ARHGAP15: variants seen among roughly 807,000 people sequenced by gnomAD.
ARHGAP15 encodes the protein Rho GTPase activating protein 15.
A neutral mutation model predicts 63.7 loss-of-function variants in ARHGAP15; 51 were observed. That is an observed-to-expected ratio of 0.80 (90% CI 0.64 to 1.01). The LOEUF is 1.01. Among genes scored for constraint, ARHGAP15 ranks in the 50% least tolerant of loss-of-function variants. The pLI is 0.00. For missense variants in ARHGAP15, 560 were observed against 564.6 expected, an observed-to-expected ratio of 0.99 and a Z score of 0.08; for synonymous variants, 191 against 193.8, an observed-to-expected ratio of 0.99 and a Z score of 0.12.
intron 11 of ARHGAP15, among the ~76,000 whole-genome samples, chr2:143,584,963 G>C (rs1697056706): frequency 6.6e-6 from 1 of 152,108 alleles, no homozygotes; most frequent in Non-Finnish European, 1.5e-5. Flanking sequence ...CTTCGTACAT[G>C]TATTTTACTT....
intron 12 of ARHGAP15, among the ~76,000 whole-genome samples, chr2:143,671,084 A>G (rs1682498935): frequency 6.6e-6 from 1 of 152,248 alleles, no homozygotes; most frequent in Admixed American, 6.5e-5. Context: ...CAGAAAGCTA[A>G]ATAACATAGT....
At chr2:143,420,831 T>C (rs12612084) in intron 6 of ARHGAP15, among the ~76,000 whole-genome samples, 66,581 of 152,032 alleles carry the variant, frequency 0.44, 15,113 homozygotes, top group East Asian at 0.8. Flanking sequence ...TCTTGGGACT[T>C]AAACCACATG....
chr2:143,383,308 A>G (rs1687135022), intron 6 of ARHGAP15, among the ~76,000 whole-genome samples: 1 of 152,162 alleles, frequency 6.6e-6, no homozygotes, highest in African/African-American at 2.4e-5. Context: ...AAAATAGAAC[A>G]CTTTTCTCAA....
chr2:143,715,515 G>C (rs1035488565), intron 13 of ARHGAP15, among the ~76,000 whole-genome samples: 2 of 152,098 alleles, frequency 1.3e-5, no homozygotes, highest in African/African-American at 4.8e-5. Context: ...TTTTCATCCT[G>C]ACAAACAAGC....
At chr2:143,587,056 C>A (rs552793320) in intron 11 of ARHGAP15, among the ~76,000 whole-genome samples, 2 of 152,210 alleles carry the variant, frequency 1.3e-5, no homozygotes, top group East Asian at 3.9e-4. Context: ...GAGGAATGGA[C>A]AATAAAATGA....
intron 1 of ARHGAP15, among the ~76,000 whole-genome samples, chr2:143,132,821 CA>C (rs1237718702): frequency 6.6e-6 from 1 of 152,160 alleles, no homozygotes; most frequent in Non-Finnish European, 1.5e-5. Context: ...CATAATTGTA[CA>C]AAAATACAGT....
chr2:143,360,895 T>C (rs2105334964), intron 6 of ARHGAP15, among the ~76,000 whole-genome samples: 1 of 152,336 alleles, frequency 6.6e-6, no homozygotes, highest in South Asian at 2.1e-4. Context: ...ATGTTCTAAA[T>C]TTCTCATTGC....
In ARHGAP15 at chr2:143,155,543, G is replaced by T. The variant is rs781224062; in HGVS notation, c.53G>T (p.Arg18Leu). Reference sequence around the variant, plus strand: ...TCCGTGGAAACACTGAATTCTACCCGCCAAGGCACAGGAGCTGTGCAAATG... The same window carrying T: ...TCCGTGGAAACACTGAATTCTACCCTCCAAGGCACAGGAGCTGTGCAAATG... Reference protein sequence around the residue: ...DTSVETLNSTRQGTGAVQMRI... With the variant: ...DTSVETLNSTLQGTGAVQMRI... The change falls in exon 2 of 14, where the codon CGC (arginine) becomes CTC (leucine). Residue 18 changes from arginine to leucine, a missense_variant. By Grantham distance (102) the Arg-to-Leu change is moderately radical. Transcript: ENST00000295095. The T allele has an allele frequency of 3.7e-6, 6 of 1,608,468 alleles. No homozygotes were observed. In the Admixed American group the frequency reaches 5.1e-5, roughly 14 times the overall value.
chr2:143,388,633 T>C (rs933686802), intron 6 of ARHGAP15, among the ~76,000 whole-genome samples: 6 of 152,192 alleles, frequency 3.9e-5, no homozygotes, highest in African/African-American at 1.4e-4. Flanking sequence ...TACATACATA[T>C]GTGTTTATAC....
intron 6 of ARHGAP15, among the ~76,000 whole-genome samples, chr2:143,271,413 T>C (rs1448818184): frequency 2.6e-5 from 4 of 152,262 alleles, no homozygotes; most frequent in Non-Finnish European, 2.9e-5. Context: ...GGATTTCTTC[T>C]CTTCTAACTT....
At chr2:143,341,871 ACT>A (rs1214255072) in intron 6 of ARHGAP15, among the ~76,000 whole-genome samples, 2 of 152,096 alleles carry the variant, frequency 1.3e-5, no homozygotes, top group East Asian at 1.9e-4. Flanking sequence ...ATTATTCTTA[ACT>A]CTCAGCAATT....
intron 12 of ARHGAP15, among the ~76,000 whole-genome samples, chr2:143,689,098 A>G (rs1012053579): frequency 1.3e-5 from 2 of 152,010 alleles, no homozygotes; most frequent in Non-Finnish European, 2.9e-5. Context: ...TTGACTTCCA[A>G]CATGTCTTCT....
At chr2:143,154,086 C>T (rs919041940) in intron 1 of ARHGAP15, among the ~76,000 whole-genome samples, 7 of 151,504 alleles carry the variant, frequency 4.6e-5, no homozygotes, top group African/African-American at 1.7e-4. Context: ...AATAAAATAC[C>T]TGCTCCTCCA....
Position 143,460,693 on chromosome 2 carries a change from A to G in ARHGAP15, c.703+23651A>G, listed in dbSNP as rs1184959059. Among the ~76,000 whole-genome samples, 3 of 152,244 alleles carry G rather than the reference A, an allele frequency of 2.0e-5. No individual in the cohort carries two copies. In the East Asian group the frequency reaches 5.8e-4, roughly 29 times the overall value. On this transcript the variant is annotated intron_variant, in intron 8 of 13. Coordinates refer to ENST00000295095, the MANE Select transcript of ARHGAP15 (RefSeq NM_018460.4). Reference sequence around the variant, plus strand: ...AGAAGTGATATAATGTGCTAGGAAGACTTTACCTAAACTTTGATGCTTTTA... The same window carrying G: ...AGAAGTGATATAATGTGCTAGGAAGGCTTTACCTAAACTTTGATGCTTTTA...
intron 5 of ARHGAP15, among the ~76,000 whole-genome samples, chr2:143,235,694 C>T (rs1417236067): frequency 6.6e-6 from 1 of 152,204 alleles, no homozygotes; most frequent in Non-Finnish European, 1.5e-5. Flanking sequence ...CGAGGCTCTT[C>T]ATCTCATTTA....
intron 11 of ARHGAP15, among the ~76,000 whole-genome samples, chr2:143,597,298 A>G (rs1236277965): frequency 3.3e-5 from 5 of 152,150 alleles, no homozygotes; most frequent in South Asian, 2.1e-4. Flanking sequence ...GTATTTTATA[A>G]GAGCAATACT....
intron 11 of ARHGAP15, among the ~76,000 whole-genome samples, chr2:143,580,189 G>A (rs1574658828): frequency 6.6e-6 from 1 of 151,738 alleles, no homozygotes; most frequent in Admixed American, 6.6e-5. Flanking sequence ...AGGGGCTAAA[G>A]ACAGGTGAAA....
chr2:143,707,981 G>A (rs553435760), intron 13 of ARHGAP15, among the ~76,000 whole-genome samples: 41 of 152,206 alleles, frequency 2.7e-4, no homozygotes, highest in African/African-American at 9.4e-4. Context: ...TGAGAGTTTC[G>A]TTCCTGTGTT....
At chr2:143,296,594 G>A (rs772001167) in intron 6 of ARHGAP15, among the ~76,000 whole-genome samples, 8 of 151,918 alleles carry the variant, frequency 5.3e-5, no homozygotes, top group Non-Finnish European at 8.8e-5. Flanking sequence ...ATCTCAGAAC[G>A]TTTTGGTCTA....
Sources: gnomAD v4.1 joint callset for allele counts (sites outside exome capture counted in the v4.1 genomes callset) on GRCh38, gnomAD v4.1.1 for gene constraint, MANE v1.5 for transcripts, NCBI Gene and HGNC (gene_info 2026-07-23, HGNC 2026-07-21) for gene names.